FGGY: variants seen among roughly 807,000 people sequenced by gnomAD.
FGGY encodes the protein FGGY carbohydrate kinase domain-containing protein.
Under a neutral mutation model 71.3 loss-of-function variants are expected in FGGY, and 72 were observed. That is an observed-to-expected ratio of 1.01 (90% CI 0.84 to 1.23). The LOEUF is 1.23. Ranked by LOEUF, FGGY falls within the 50% of genes most tolerant of loss-of-function variation. The pLI is 0.00. For synonymous variants in FGGY, 251 were observed against 250.3 expected (o/e 1.00, Z -0.02); for missense variants, 668 against 682.3 (o/e 0.98, Z 0.23).
At chr1:59,503,100 CATTA>C (rs2094279096) in intron 6 of FGGY, among the ~76,000 whole-genome samples, 1 of 152,288 alleles carries the variant, frequency 6.6e-6, no homozygotes, top group African/African-American at 2.4e-5. Context: ...GACCATGTCC[CATTA>C]CATAGTGACT....
intron 6 of FGGY, among the ~76,000 whole-genome samples, chr1:59,495,735 G>A (rs996627639): frequency 2.8e-4 from 43 of 152,116 alleles, no homozygotes; most frequent in African/African-American, 9.6e-4. Context: ...TGAATTGGGG[G>A]GAGGGGTCTT....
intron 5 of FGGY, among the ~76,000 whole-genome samples, chr1:59,451,350 A>C (rs533606422): frequency 1.2e-4 from 18 of 147,744 alleles, no homozygotes; most frequent in Middle Eastern, 3.4e-3. Context: ...TCAGTTCCAG[A>C]CTGTTACTAA....
At chr1:59,361,499 C>T (rs548898913) in intron 4 of FGGY, among the ~76,000 whole-genome samples, 214 of 152,292 alleles carry the variant, frequency 1.4e-3, no homozygotes, top group African/African-American at 3.8e-3. Context: ...TGGTGGCAGT[C>T]TGAGGAAATG....
chr1:59,684,928 T>C (rs2097532729), intron 14 of FGGY, among the ~76,000 whole-genome samples: 1 of 152,196 alleles, frequency 6.6e-6, no homozygotes, highest in African/African-American at 2.4e-5. Context: ...CTATTATCAT[T>C]CCCTGTGTTC....
intron 5 of FGGY, among the ~76,000 whole-genome samples, chr1:59,419,813 C>A (rs963764897): frequency 2.0e-5 from 3 of 150,410 alleles, no homozygotes; most frequent in African/African-American, 7.3e-5. Context: ...ATCACACATG[C>A]AAATTATGTG....
At chr1:59,363,203 A>T (rs552796619) in intron 4 of FGGY, among the ~76,000 whole-genome samples, 1 of 152,348 alleles carries the variant, frequency 6.6e-6, no homozygotes, top group South Asian at 2.1e-4. Context: ...ACCAATGAAC[A>T]AAGTGAGACT....
At chr1:59,490,155 A>C (rs1414306410) in intron 6 of FGGY, among the ~76,000 whole-genome samples, 2 of 152,070 alleles carry the variant, frequency 1.3e-5, no homozygotes, top group African/African-American at 2.4e-5. Flanking sequence ...GGCTCAAGTG[A>C]TCTTCCCACC....
chr1:59,448,645 C>G (rs956331352), intron 5 of FGGY, among the ~76,000 whole-genome samples: 12 of 152,136 alleles, frequency 7.9e-5, no homozygotes, highest in African/African-American at 2.9e-4. Flanking sequence ...TATTCATTCA[C>G]TTAATTAACA....
intron 4 of FGGY, among the ~76,000 whole-genome samples, chr1:59,372,830 G>T (rs903174946): frequency 6.6e-6 from 1 of 151,892 alleles, no homozygotes; most frequent in African/African-American, 2.4e-5. Flanking sequence ...CTCAATAGAT[G>T]CAGAAAAGGC....
At chr1:59,400,513 A>G (rs1410824414) in intron 5 of FGGY, among the ~76,000 whole-genome samples, 2 of 150,082 alleles carry the variant, frequency 1.3e-5, no homozygotes, top group Admixed American at 1.3e-4. Flanking sequence ...ACGTTTTGAG[A>G]CCTTCATTTT....
At chr1:59,726,013 C>T (rs2097943257) in intron 14 of FGGY, among the ~76,000 whole-genome samples, 1 of 152,180 alleles carries the variant, frequency 6.6e-6, no homozygotes, top group East Asian at 1.9e-4. Context: ...GGAAAGCATC[C>T]AGTTTTCCAT....
chr1:59,408,479 G>A (rs2063096321), intron 5 of FGGY, among the ~76,000 whole-genome samples: 1 of 152,100 alleles, frequency 6.6e-6, no homozygotes, highest in Admixed American at 6.6e-5. Context: ...GCATTTCAAA[G>A]GCTTATCTTA....
chr1:59,392,489 G>A (rs1401678291), intron 5 of FGGY, among the ~76,000 whole-genome samples: 1 of 152,028 alleles, frequency 6.6e-6, no homozygotes, highest in East Asian at 1.9e-4. Flanking sequence ...TGCTTGGAGT[G>A]GGTGATTTAT....
rs115489283 is a variant in FGGY, at chr1:59,308,800, C to T, written c.-15+11650C>T. Among the ~76,000 whole-genome samples, 762 of 152,266 alleles carry T rather than the reference C, an allele frequency of 5.0e-3. 1 individual carries two copies. Among genetic ancestry groups the T allele is most frequent in the Non-Finnish European group, 8.2e-3 (560 of 68,014 alleles). ...GCATGAAGAAAATAGAGCTTTTGCT[C>T]TATTCTTTATTAAAAAATAATACAA... On this transcript the variant is annotated intron_variant, in intron 1 of 15. Coordinates refer to ENST00000303721, the MANE Select transcript of FGGY (RefSeq NM_018291.5).
intron 5 of FGGY, among the ~76,000 whole-genome samples, chr1:59,387,351 T>G (rs540984686): frequency 3.9e-5 from 6 of 152,266 alleles, no homozygotes; most frequent in African/African-American, 1.4e-4. Flanking sequence ...TCCTATCCTA[T>G]GTCAGTATCA....
chr1:59,603,679 G>T (rs549507626), intron 8 of FGGY, among the ~76,000 whole-genome samples: 1 of 152,120 alleles, frequency 6.6e-6, no homozygotes, highest in Non-Finnish European at 1.5e-5. Context: ...CCTTTGTCCC[G>T]ACCCATAGTT....
intron 6 of FGGY, among the ~76,000 whole-genome samples, chr1:59,463,624 G>C (rs1172721170): frequency 2.0e-5 from 3 of 151,040 alleles, no homozygotes; most frequent in Admixed American, 6.6e-5. Flanking sequence ...CCCGTCTCAC[G>C]TGCAGAGACA....
At chr1:59,605,005 C>T (rs1394194867) in intron 8 of FGGY, among the ~76,000 whole-genome samples, 1 of 152,216 alleles carries the variant, frequency 6.6e-6, no homozygotes, top group Non-Finnish European at 1.5e-5. Context: ...TTAGTATGCT[C>T]TCCTTGTGGC....
chr1:59,597,125 G>A (rs1225693768), intron 8 of FGGY, among the ~76,000 whole-genome samples: 2 of 152,136 alleles, frequency 1.3e-5, no homozygotes, highest in Admixed American at 6.6e-5. Context: ...GCCAGAAATG[G>A]AGAAAGTGTT....
Sources: gnomAD v4.1 joint callset for allele counts (sites outside exome capture counted in the v4.1 genomes callset) on GRCh38, gnomAD v4.1.1 for gene constraint, MANE v1.5 for transcripts, NCBI Gene and HGNC (gene_info 2026-07-23, HGNC 2026-07-21) for gene names.